The following PRC1 variants were observed in gnomAD, a reference collection of about 807,000 sequenced individuals.
The protein encoded by PRC1 is anaphase spindle elongation 1 homolog.
In PRC1, 54 loss-of-function variants were observed where a neutral mutation model predicts 91.2. The observed-to-expected ratio is 0.59, with a 90% CI of 0.48 to 0.74. PRC1 has a LOEUF of 0.74. PRC1 is among the 30% of genes least tolerant of loss of function. The pLI is 0.00. For missense variants in PRC1, 727 were observed against 746.2 expected, an observed-to-expected ratio of 0.97 and a Z score of 0.30; for synonymous variants, 275 against 263.6, an observed-to-expected ratio of 1.04 and a Z score of -0.42.
Position 90,966,511 on chromosome 15 carries a change from CAACA to C in PRC1, c.*616_*619del. 1 of 452,604 alleles carries C rather than the reference CAACA, an allele frequency of 2.2e-6. No homozygotes were observed. The highest frequency in any genetic ancestry group is 2.4e-5 in the Admixed American group (1 of 42,314). 28.0% of individuals were successfully genotyped at this position (452,604 alleles called of 1,614,324 possible). On this transcript the variant is annotated 3_prime_UTR_variant, in exon 15 of 15. Coordinates refer to ENST00000394249, the MANE Select transcript of PRC1 (RefSeq NM_003981.4). ...ATGTGTGTTCATACATGCATACCCC[CAACA>C]AAGGGCAATGCACTGTGTAACAGAA... is the stretch of plus-strand genomic sequence containing the variant.
intron 14 of PRC1, 94 bp from the exon 15 acceptor site, chr15:90,967,296 T>A: frequency 9.7e-7 from 1 of 1,035,216 alleles, no homozygotes; most frequent in Non-Finnish European, 1.5e-6. Context: ...AAAGGTCCCT[T>A]GAAGGTAGTT....
In PRC1 at chr15:90,983,984, C is replaced by G. The variant is rs141623613; in HGVS notation, c.267+34G>C. 4 of 1,610,580 alleles carry G rather than the reference C, an allele frequency of 2.5e-6. No individual in the cohort carries two copies. In the South Asian group the frequency reaches 3.3e-5, roughly 13 times the overall value. On this transcript the variant is annotated intron_variant, in intron 3 of 14. Coordinates refer to ENST00000394249, the MANE Select transcript of PRC1 (RefSeq NM_003981.4). Reference sequence around the variant, plus strand: ...TGCTTTCTAAGTCTCAGGCCCCAGACAGATCACCAGAGACCCTGTGGGCTG... The same window carrying G: ...TGCTTTCTAAGTCTCAGGCCCCAGAGAGATCACCAGAGACCCTGTGGGCTG...
chr15:90,981,390 C>T, intron 5 of PRC1, 109 bp downstream of exon 5: 1 of 1,304,860 alleles, frequency 7.7e-7, no homozygotes, highest in Non-Finnish European at 1.1e-6. Flanking sequence ...TTCCCTCATT[C>T]TCTTACCTTA....
intron 6 of PRC1, 113 bp from the exon 7 acceptor site, chr15:90,980,502 T>TA: frequency 1.1e-6 from 1 of 936,582 alleles, no homozygotes; most frequent in Non-Finnish European, 1.5e-6. Context: ...AAAGGTATTA[T>TA]AAATCAACAC....
intron 11 of PRC1, among the ~76,000 whole-genome samples, chr15:90,973,468 A>G (rs2038358308): frequency 6.6e-6 from 1 of 152,148 alleles, no homozygotes; most frequent in African/African-American, 2.4e-5. Context: ...ACAGCCTGAG[A>G]TATGGCCTCG....
At chr15:90,981,270 A>T in intron 5 of PRC1, 1 of 691,314 alleles carries the variant, frequency 1.4e-6, no homozygotes. Flanking sequence ...AGTCTAATTC[A>T]AATGACTAAT....
chr15:90,992,708 GTT>G (rs34611742), intron 1 of PRC1, among the ~76,000 whole-genome samples: 1 of 149,968 alleles, frequency 6.7e-6, no homozygotes, highest in Non-Finnish European at 1.5e-5. Flanking sequence ...GCAAGTCTGA[GTT>G]TTTTTTTTAG....
chr15:90,991,860 G>C (rs2040000405), intron 1 of PRC1, among the ~76,000 whole-genome samples: 1 of 152,026 alleles, frequency 6.6e-6, no homozygotes, highest in African/African-American at 2.4e-5. Flanking sequence ...GGAGCCCCAA[G>C]TCCTAATCTT....
chr15:90,991,811 G>A (rs1337433324), intron 1 of PRC1, among the ~76,000 whole-genome samples: 3 of 151,850 alleles, frequency 2.0e-5, no homozygotes, highest in African/African-American at 7.3e-5. Context: ...CTGGTCTCCC[G>A]GCTTCGAAGC....
In PRC1 at chr15:90,967,351, G is replaced by C. The variant is rs189849366; in HGVS notation, c.1792-149C>G. Reference sequence around the variant, plus strand: ...GCAATAGGCTGCGTTAGGAGTAAAAGGTGAGGAACTCTGAGCACCATTCTA... The same window carrying C: ...GCAATAGGCTGCGTTAGGAGTAAAACGTGAGGAACTCTGAGCACCATTCTA... On this transcript the variant is annotated intron_variant, in intron 14 of 14. Transcript: ENST00000394249. The C allele has an allele frequency of 6.9e-4, 447 of 650,798 alleles. 1 individual carries two copies. In the African/African-American group the frequency reaches 7.4e-3, roughly 11 times the overall value. 40.3% of individuals were successfully genotyped at this position (650,798 alleles called of 1,614,324 possible).
At position 90,969,602 on chromosome 15, in the gene PRC1, A is replaced by G; in HGVS notation, c.1594T>C (p.Ser532Pro). 6.2e-7 allele frequency: 1 copy of G among 1,606,178 alleles called. No homozygotes were observed. The highest frequency in any genetic ancestry group is 8.5e-7 in the Non-Finnish European group (1 of 1,176,458). The change falls in exon 13 of 15, where the codon TCA becomes CCA. Residue 532 changes from serine (S) to proline (P), a missense_variant. Transcript: ENST00000394249. The part of the protein sequence containing the change: ...GSKPVAASTC[S>P]GKKTPRTGRH... ...CCAGTACGGGGTGTTTTCTTCCCTG[A>G]ACAGGTGGAAGCAGCGACTGGCTGC... is the stretch of plus-strand genomic sequence containing the variant.
At position 90,992,578 on chromosome 15, in the gene PRC1, C is replaced by T. The variant is rs539186783; in HGVS notation, c.11+1829G>A. On this transcript the variant is annotated intron_variant, in intron 1 of 14. Transcript: ENST00000394249. The stretch of plus-strand genomic sequence containing the variant: ...CCAAGAAGTCTTTTTGAATGAATAA[C>T]GTGACATTTCAAAAAAGTTGTATGA... Among the ~76,000 whole-genome samples, 20 of 152,156 alleles carry T rather than the reference C, an allele frequency of 1.3e-4. No individual in the cohort carries two copies. The South Asian group carries it at 3.7e-3, about 28-fold the overall frequency.
intron 8 of PRC1, among the ~76,000 whole-genome samples, chr15:90,978,890 C>G (rs2151514539): frequency 6.6e-6 from 1 of 151,936 alleles, no homozygotes; most frequent in African/African-American, 2.4e-5. Context: ...GCTCACTGTG[C>G]AGATCTGCCA....
rs747332606 is a variant in PRC1, at chr15:90,980,356, T to C, written c.856A>G (p.Lys286Glu). The C allele has an allele frequency of 6.2e-7, 1 of 1,614,182 alleles. No homozygotes were observed. The highest frequency in any genetic ancestry group is 8.5e-7 in the Non-Finnish European group (1 of 1,180,032). ...QLEVDRLEEL[K>E]MQNMKKVIEA... ...ATCACTTTCTTCATGTTTTGCATTT[T>C]CAGTTCTTCCAACCGATCCACTTCT... Residue 286 changes from lysine (K) to glutamate (E), a missense_variant, in exon 7 of 15, where the codon AAA (lysine) becomes GAA (glutamate). Physicochemically the swap from Lys to Glu is moderately conservative, Grantham distance 56. Transcript: ENST00000394249.
intron 1 of PRC1, among the ~76,000 whole-genome samples, chr15:90,989,434 T>C (rs1380178374): frequency 6.7e-6 from 1 of 148,624 alleles, no homozygotes; most frequent in Non-Finnish European, 1.5e-5. Context: ...TTTTTTTTTT[T>C]TAAGGTTTGC....
chr15:90,977,286 C>CCA (rs2038803492), intron 8 of PRC1: 1 of 152,522 alleles, frequency 6.6e-6, no homozygotes, highest in Non-Finnish European at 1.5e-5. Context: ...CTTATAAACA[C>CCA]CACTACACTC....
intron 1 of PRC1, among the ~76,000 whole-genome samples, chr15:90,988,937 C>T (rs1317456862): frequency 2.0e-5 from 3 of 152,146 alleles, no homozygotes; most frequent in African/African-American, 7.2e-5. Flanking sequence ...CTGCCTATCT[C>T]TGTAACACAT....
intron 6 of PRC1, chr15:90,980,623 G>A (rs959781548): frequency 2.9e-5 from 19 of 663,110 alleles, no homozygotes; most frequent in African/African-American, 2.0e-4. Flanking sequence ...AGGCTCAAGC[G>A]ATTCTCCTGT....
In PRC1 at chr15:90,979,312, A is replaced by G. The variant is rs1567193647; in HGVS notation, c.971-18T>C. ...GTAGTCCTCTGCAAAATATAGGCCCAGTAGTTTAAAACAATTCCTCTAGTA... is the reference window on the plus strand; with the variant it reads ...GTAGTCCTCTGCAAAATATAGGCCCGGTAGTTTAAAACAATTCCTCTAGTA... On this transcript the variant is annotated intron_variant, in intron 7 of 14. Coordinates refer to ENST00000394249, the MANE Select transcript of PRC1 (RefSeq NM_003981.4). The G allele has an allele frequency of 6.3e-7, 1 of 1,599,764 alleles. No homozygotes were observed. Among genetic ancestry groups the G allele is most frequent in the Non-Finnish European group, 8.5e-7 (1 of 1,175,140 alleles).
Sources: allele counts gnomAD v4.1 joint callset (sites outside exome capture counted in the v4.1 genomes callset), GRCh38; gene constraint gnomAD v4.1.1; transcripts MANE v1.5; gene names NCBI Gene and HGNC (gene_info 2026-07-23, HGNC 2026-07-21).